RBPJ: variants seen among roughly 807,000 people sequenced by gnomAD.
The protein encoded by RBPJ is recombination signal binding protein for immunoglobulin kappa J region.
In RBPJ, 9 loss-of-function variants were observed where a neutral mutation model predicts 67.8. That is an observed-to-expected ratio of 0.13 (90% confidence interval 0.08 to 0.23). The LOEUF (loss-of-function observed/expected upper bound fraction) is 0.23. RBPJ is among the 10% of genes least tolerant of loss of function. The probability of loss-of-function intolerance (pLI) is 1.00; values close to 1 mark genes in which losing one functional copy is unlikely to be tolerated. For synonymous variants in RBPJ, 198 were observed against 203.3 expected (o/e 0.97, Z 0.22); for missense variants, 305 against 595.6 (o/e 0.51, Z 5.08).
chr4:26,143,341 A>G, the RBPJ span, among the ~76,000 whole-genome samples: 1 of 152,186 alleles, frequency 6.6e-6, no homozygotes, highest in South Asian at 2.1e-4. Context: ...TTAACAGGTA[A>G]GTTGTATCAC....
chr4:26,411,273 T>TAAATAA (rs947012075), intron 3 of RBPJ, among the ~76,000 whole-genome samples: 3 of 152,002 alleles, frequency 2.0e-5, no homozygotes, highest in African/African-American at 7.2e-5. Context: ...AATAAATAAA[T>TAAATAA]AAATAAAGAT....
intron 1 of RBPJ, among the ~76,000 whole-genome samples, chr4:26,226,308 GA>G (rs1185428295): frequency 6.6e-6 from 1 of 151,588 alleles, no homozygotes; most frequent in Non-Finnish European, 1.5e-5. Context: ...CTACAAAAAA[GA>G]AAAAAAATTA....
At chr4:26,314,798 G>A (rs1722548465), upstream of RBPJ, among the ~76,000 whole-genome samples, 1 of 152,036 alleles carries the variant, frequency 6.6e-6, no homozygotes. Flanking sequence ...TGCAAGAACA[G>A]ACTAATATAG....
chr4:26,398,643 TC>T (rs545480299), intron 2 of RBPJ, among the ~76,000 whole-genome samples: 36 of 152,338 alleles, frequency 2.4e-4, no homozygotes, highest in African/African-American at 8.7e-4. Flanking sequence ...AAACAGAGTC[TC>T]GCTCTGTCGC....
chr4:26,365,803 T>G (rs1219452936), intron 1 of RBPJ, among the ~76,000 whole-genome samples: 1 of 152,240 alleles, frequency 6.6e-6, no homozygotes, highest in East Asian at 1.9e-4. Flanking sequence ...CTTTTATTTT[T>G]TGAAGTAAAG....
chr4:26,387,137 T>C (rs1303960246), intron 2 of RBPJ, among the ~76,000 whole-genome samples: 1 of 152,156 alleles, frequency 6.6e-6, no homozygotes. Flanking sequence ...CCTTAATGGC[T>C]CCATGGTTTT....
In RBPJ at chr4:26,430,313, G is replaced by A. The variant is rs1234427436; in HGVS notation, c.1045-106G>A. ...CTTTGTAATAAAAAACATTTTAATT[G>A]CCCTTTTTTAAAAAAAACAAATGAA... On this transcript the variant is annotated intron_variant, in intron 9 of 10. Coordinates refer to ENST00000355476, the MANE Select transcript of RBPJ (RefSeq NM_015874.6). This position sits in a 1 kb window ranked among gnomAD's most constrained non-coding sequence, Gnocchi z 4.1. 1 of 975,994 alleles carries A rather than the reference G, an allele frequency of 1.0e-6. No homozygotes were observed. The highest frequency in any genetic ancestry group is 1.6e-6 in the Non-Finnish European group (1 of 629,940). The allele number at this position is 975,994 out of a possible 1,614,324, so 60.5% of individuals were successfully genotyped here. A position where few individuals can be genotyped will look rare whatever the true frequency, so the allele number is the denominator to read the frequency against.
chr4:26,401,702 C>T (rs1476344249), intron 2 of RBPJ, among the ~76,000 whole-genome samples: 1 of 152,124 alleles, frequency 6.6e-6, no homozygotes, highest in Non-Finnish European at 1.5e-5. Flanking sequence ...AATGCAGTTA[C>T]TGCTAAATGA....
the RBPJ span, among the ~76,000 whole-genome samples, chr4:26,148,025 G>T: frequency 1.3e-5 from 2 of 152,144 alleles, no homozygotes; most frequent in Non-Finnish European, 2.9e-5. Context: ...GTTTTAACAG[G>T]CCCACTCAGA....
chr4:26,266,293 A>G (rs1243252217), intron 1 of RBPJ, among the ~76,000 whole-genome samples: 3 of 152,210 alleles, frequency 2.0e-5, no homozygotes, highest in Non-Finnish European at 4.4e-5. Context: ...GATTAATAAG[A>G]AAAAAGCACA....
intron 1 of RBPJ, among the ~76,000 whole-genome samples, chr4:26,165,868 C>A (rs1330461841): frequency 1.2e-4 from 14 of 119,260 alleles, no homozygotes; most frequent in African/African-American, 5.0e-4. Flanking sequence ...CCTCCCCCCT[C>A]CCCCCACCCC....
At chr4:26,140,251 G>A in the RBPJ span, among the ~76,000 whole-genome samples, 2 of 152,172 alleles carry the variant, frequency 1.3e-5, no homozygotes, top group South Asian at 4.1e-4. Flanking sequence ...CTCCTTAATT[G>A]CCCAGTGACA....
chr4:26,273,509 GCTGC>G (rs1720979669), intron 1 of RBPJ, among the ~76,000 whole-genome samples: 1 of 152,214 alleles, frequency 6.6e-6, no homozygotes, highest in Non-Finnish European at 1.5e-5. Context: ...TCCAGCTCTA[GCTGC>G]CTGGAAGGAA....
the RBPJ span, among the ~76,000 whole-genome samples, chr4:26,127,563 G>A: frequency 1.3e-5 from 2 of 152,190 alleles, no homozygotes; most frequent in Non-Finnish European, 2.9e-5. Flanking sequence ...TGGTACAGAG[G>A]ATGGAGTATA....
chr4:26,417,006 G>T lies in RBPJ; in HGVS notation c.321+1366G>T, dbSNP rs1304276762. Among the ~76,000 whole-genome samples the T allele has an allele frequency of 3.9e-5, 6 of 152,292 alleles. No homozygotes were observed. In the East Asian group the frequency reaches 1.2e-3, roughly 29 times the overall value. On this transcript the variant is annotated intron_variant, in intron 4 of 10. Transcript: ENST00000355476. ...ACTATTTCTAAATTATGATCCCTGAGCTAAAGTAACGAATATATTTAAGTG... is the reference window on the plus strand; with the variant it reads ...ACTATTTCTAAATTATGATCCCTGATCTAAAGTAACGAATATATTTAAGTG...
upstream of RBPJ, chr4:26,319,888 G>C: frequency 6.2e-6 from 10 of 1,601,104 alleles, no homozygotes; most frequent in Non-Finnish European, 8.5e-6. Context: ...GGGGGCTGCA[G>C]GTAGGAGGAG....
intron 1 of RBPJ, among the ~76,000 whole-genome samples, chr4:26,369,816 T>C (rs1728979758): frequency 6.6e-6 from 1 of 152,136 alleles, no homozygotes; most frequent in Non-Finnish European, 1.5e-5. Context: ...TTTTCACTGC[T>C]CTTTTGTACT....
chr4:26,307,252 G>A (rs1009721544), intron 1 of RBPJ, among the ~76,000 whole-genome samples: 17 of 152,166 alleles, frequency 1.1e-4, no homozygotes, highest in African/African-American at 3.6e-4. Flanking sequence ...CATAGTTACC[G>A]TCACTGTGGA....
At chr4:26,129,363 A>G in the RBPJ span, among the ~76,000 whole-genome samples, 4 of 152,240 alleles carry the variant, frequency 2.6e-5, no homozygotes, top group East Asian at 1.9e-4. Flanking sequence ...AAAGTACTTC[A>G]AAGTGACTAC....
Sources: gnomAD v4.1 joint callset for allele counts (sites outside exome capture counted in the v4.1 genomes callset) on GRCh38, gnomAD v4.1.1 for gene constraint, Gnocchi (gnomAD v3.1) non-coding constraint, MANE v1.5 for transcripts, NCBI Gene and HGNC (gene_info 2026-07-23, HGNC 2026-07-21) for gene names.